The following PCMT1 variants were observed in gnomAD, a reference collection of about 807,000 sequenced individuals.
PCMT1 encodes the protein protein-L-isoaspartate(D-aspartate) O-methyltransferase.
In PCMT1, 9 loss-of-function variants were observed where a neutral mutation model predicts 29.2. The ratio of observed to expected loss-of-function variants is 0.31; its 90% CI spans 0.19 to 0.54. The LOEUF (loss-of-function observed/expected upper bound fraction) is 0.54. PCMT1 is among the 20% of genes least tolerant of loss of function. PCMT1 has a pLI of 0.95. For synonymous variants in PCMT1, 98 were observed against 97.5 expected (o/e 1.00, Z -0.03); for missense variants, 184 against 282.2 (o/e 0.65, Z 2.49).
chr6:149,773,324 ATTC>A (rs1285483345), intron 3 of PCMT1, among the ~76,000 whole-genome samples, 155 bp downstream of exon 3: 7 of 152,234 alleles, frequency 4.6e-5, no homozygotes, highest in African/African-American at 7.2e-5. Flanking sequence ...TGAACATCTT[ATTC>A]TTAATACAGG....
intron 3 of PCMT1, among the ~76,000 whole-genome samples, chr6:149,773,668 T>TG (rs1787434088): frequency 6.6e-6 from 1 of 152,176 alleles, no homozygotes; most frequent in South Asian, 2.1e-4. Context: ...CGTGAGCCAC[T>TG]GCGCTTGGCC....
chr6:149,785,815 A>C (rs1391996100), intron 3 of PCMT1, among the ~76,000 whole-genome samples: 1 of 152,150 alleles, frequency 6.6e-6, no homozygotes, highest in Admixed American at 6.5e-5. Context: ...TTCTTTCTAC[A>C]CAGACACGGC....
chr6:149,775,721 G>A (rs776467719), intron 3 of PCMT1, among the ~76,000 whole-genome samples: 7 of 152,052 alleles, frequency 4.6e-5, no homozygotes, highest in Non-Finnish European at 8.8e-5. Flanking sequence ...AATAATTAAC[G>A]ATTGAGGGAA....
intron 1 of PCMT1, among the ~76,000 whole-genome samples, chr6:149,766,877 G>C (rs573429585): frequency 6.6e-6 from 1 of 152,100 alleles, no homozygotes; most frequent in Non-Finnish European, 1.5e-5. Context: ...GAATCATGTA[G>C]TCTCCTCACC....
intron 3 of PCMT1, among the ~76,000 whole-genome samples, chr6:149,786,871 C>T (rs1411880953): frequency 3.4e-5 from 5 of 147,566 alleles, no homozygotes; most frequent in East Asian, 2.1e-4. Flanking sequence ...ATATCCCAGA[C>T]GGGGTGGCGG....
chr6:149,801,362 TGTG>T (rs1775821809), intron 6 of PCMT1, among the ~76,000 whole-genome samples: 1 of 152,188 alleles, frequency 6.6e-6, no homozygotes, highest in Non-Finnish European at 1.5e-5. Flanking sequence ...ATTATCTACT[TGTG>T]GTGTCATGTT....
chr6:149,802,849 T>G (rs1467701523), intron 7 of PCMT1, among the ~76,000 whole-genome samples: 9 of 150,690 alleles, frequency 6.0e-5, no homozygotes, highest in Non-Finnish European at 3.0e-5. Flanking sequence ...AGGTCAGGAG[T>G]TTGAGACTAG....
At chr6:149,750,384 T>G (rs541879994) in intron 1 of PCMT1, 1 of 171,478 alleles carries the variant, frequency 5.8e-6, no homozygotes. Context: ...TGCATTTTTC[T>G]CACCTTCCTC....
intron 7 of PCMT1, among the ~76,000 whole-genome samples, chr6:149,805,676 G>A (rs555632413): frequency 6.6e-6 from 1 of 151,768 alleles, no homozygotes; most frequent in Non-Finnish European, 1.5e-5. Flanking sequence ...AGTGGCTCAC[G>A]CCTGTAATCC....
chr6:149,802,443 T>C (rs1030080716), intron 7 of PCMT1, 27 bp downstream of exon 7: 187 of 1,487,742 alleles, frequency 1.3e-4, no homozygotes, highest in Non-Finnish European at 2.8e-5. Flanking sequence ...TTTAAGACAT[T>C]AGACTACAAG....
intron 7 of PCMT1, among the ~76,000 whole-genome samples, chr6:149,805,102 C>T (rs1026508342): frequency 5.3e-5 from 8 of 151,968 alleles, no homozygotes; most frequent in South Asian, 2.1e-4. Flanking sequence ...ACTAGCCAGG[C>T]GTAGTGGTGT....
intron 2 of PCMT1, among the ~76,000 whole-genome samples, chr6:149,771,583 A>G (rs988551394): frequency 1.3e-5 from 2 of 152,204 alleles, no homozygotes; most frequent in Non-Finnish European, 2.9e-5. Flanking sequence ...GTGGCACAAT[A>G]TCGGCTCACT....
intron 3 of PCMT1, among the ~76,000 whole-genome samples, chr6:149,778,691 C>T (rs963138596): frequency 1.3e-5 from 2 of 151,966 alleles, no homozygotes; most frequent in Non-Finnish European, 2.9e-5. Flanking sequence ...GCACATACCA[C>T]CACCCTTTAC....
At chr6:149,801,617 T>G (rs999009868) in intron 6 of PCMT1, among the ~76,000 whole-genome samples, 2 of 152,050 alleles carry the variant, frequency 1.3e-5, no homozygotes, top group African/African-American at 4.8e-5. Flanking sequence ...TGGCTAATTT[T>G]GTACTTTTTT....
chr6:149,786,642 G>T (rs1235250336), intron 3 of PCMT1, among the ~76,000 whole-genome samples: 1 of 148,836 alleles, frequency 6.7e-6, no homozygotes, highest in African/African-American at 2.5e-5. Context: ...AGACGGGGTC[G>T]CGGCCGGGCA....
At chr6:149,753,337 GTT>G (rs1393652627) in intron 1 of PCMT1, among the ~76,000 whole-genome samples, 2 of 143,310 alleles carry the variant, frequency 1.4e-5, no homozygotes, top group African/African-American at 2.6e-5. Context: ...ATTTTTAATG[GTT>G]TTTTTTTTTT....
chr6:149,805,972 A>G, intron 7 of PCMT1, among the ~76,000 whole-genome samples: 1 of 151,196 alleles, frequency 6.6e-6, no homozygotes, highest in Admixed American at 6.6e-5. Context: ...GCAAACTTAC[A>G]TGTTCGCACT....
chr6:149,801,237 C>T (rs1207565896), intron 6 of PCMT1, among the ~76,000 whole-genome samples: 1 of 152,094 alleles, frequency 6.6e-6, no homozygotes, highest in Non-Finnish European at 1.5e-5. Flanking sequence ...TATGTTATAC[C>T]TCTTATACAC....
chr6:149,753,808 A>G (rs951344452), intron 1 of PCMT1, among the ~76,000 whole-genome samples: 2 of 152,192 alleles, frequency 1.3e-5, no homozygotes, highest in South Asian at 4.1e-4. Context: ...TAGATTTCTT[A>G]TGTCATGGCT....
Sources: allele counts gnomAD v4.1 joint callset (sites outside exome capture counted in the v4.1 genomes callset), GRCh38; gene constraint gnomAD v4.1.1; transcripts MANE v1.5; gene names NCBI Gene and HGNC (gene_info 2026-07-23, HGNC 2026-07-21).